Variants in COL17A1 observed in about 807,000 individuals in gnomAD.
COL17A1 encodes the protein collagen type XVII alpha 1 chain, also known as collagen alpha-1(XVII) chain.
COL17A1 carries 181 observed loss-of-function variants against 218.4 expected under a neutral mutation model. That is an observed-to-expected ratio of 0.83 (90% CI 0.73 to 0.94). The LOEUF is 0.94. Among genes scored for constraint, COL17A1 ranks in the 40% least tolerant of loss-of-function variants. The pLI is 0.00. For missense variants in COL17A1, 1,924 were observed against 1,945.9 expected (o/e 0.99, Z 0.21); for synonymous variants, 721 against 731.0 (o/e 0.99, Z 0.22).
At chr10:104,083,278 T>C (rs1371432563) in intron 1 of COL17A1, among the ~76,000 whole-genome samples, 1 of 152,188 alleles carries the variant, frequency 6.6e-6, no homozygotes, top group Non-Finnish European at 1.5e-5. Context: ...CCCAGGTACA[T>C]GCCTGAGCCT....
intron 11 of COL17A1, among the ~76,000 whole-genome samples, chr10:104,062,750 G>C (rs1213182328): frequency 6.6e-6 from 1 of 152,188 alleles, no homozygotes; most frequent in Non-Finnish European, 1.5e-5. Context: ...TAACTTGGCA[G>C]ACTCCTAGTA....
At chr10:104,036,077 A>AGT (rs371975121) in intron 48 of COL17A1, among the ~76,000 whole-genome samples, 5 of 44,750 alleles carry the variant, frequency 1.1e-4, no homozygotes, top group Admixed American at 2.3e-4. Flanking sequence ...TGTGTATGGG[A>AGT]GTGTGTATGG....
intron 50 of COL17A1, 34 bp downstream of exon 50, chr10:104,035,229 C>A: frequency 6.3e-7 from 1 of 1,578,582 alleles, no homozygotes; most frequent in East Asian, 2.3e-5. Context: ...GGCTGCATCC[C>A]CTGCCCTCCC....
At chr10:104,042,292 T>A in intron 36 of COL17A1, 128 bp downstream of exon 36, 3 of 970,606 alleles carry the variant, frequency 3.1e-6, no homozygotes. Flanking sequence ...TGAAGAGCCC[T>A]GGCCCTGTCC....
intron 8 of COL17A1, 143 bp from the exon 9 acceptor site, chr10:104,070,712 A>G (rs1461146982): frequency 5.1e-6 from 8 of 1,566,682 alleles, no homozygotes; most frequent in Non-Finnish European, 6.9e-6. Flanking sequence ...GCTTGGCTTT[A>G]TAATATTCAC....
chr10:104,077,910 C>A lies in COL17A1; in HGVS notation c.98-384G>T, dbSNP rs200802743. ...CTTTTTCTGAGTGCCTGGTCAGTGCCCAGGCATGGCAGCCACTAGAAGTGC... is the reference window on the plus strand; with the variant it reads ...CTTTTTCTGAGTGCCTGGTCAGTGCACAGGCATGGCAGCCACTAGAAGTGC... On this transcript the variant is annotated intron_variant, in intron 3 of 55. Coordinates refer to ENST00000648076, the MANE Select transcript of COL17A1 (RefSeq NM_000494.4). Among the ~76,000 whole-genome samples the A allele has an allele frequency of 1.2e-4, 19 of 152,300 alleles. No homozygotes were observed. The East Asian group carries it at 3.3e-3, about 26-fold the overall frequency.
rs558011610 is a variant in COL17A1 at position 104,071,704 on chromosome 10, C to T, written c.463+328G>A. On this transcript the variant is annotated intron_variant, in intron 8 of 55. Transcript: ENST00000648076. ...TAACACCTACCCCGGGAAGTCTTCT[C>T]TGGCCTGATCTCCATGGGCTGCCGT... Among the ~76,000 whole-genome samples the T allele has an allele frequency of 2.0e-5, 3 of 152,190 alleles. No homozygotes were observed. The South Asian group carries it at 6.2e-4, about 32-fold the overall frequency.
intron 1 of COL17A1, among the ~76,000 whole-genome samples, chr10:104,084,344 G>A (rs2086789229): frequency 1.4e-5 from 2 of 147,556 alleles, no homozygotes; most frequent in Non-Finnish European, 3.0e-5. Context: ...GAGTCTTGCT[G>A]TGTTGCCCAG....
At chr10:104,032,644 C>T (rs770012900) in intron 55 of COL17A1, 30 bp downstream of exon 55, 80 of 1,603,256 alleles carry the variant, frequency 5.0e-5, no homozygotes, top group Non-Finnish European at 6.7e-5. Context: ...CCCTCCAGAA[C>T]ATGCAAAACG....
intron 6 of COL17A1, 41 bp downstream of exon 6, chr10:104,074,143 C>G: frequency 6.2e-7 from 1 of 1,613,922 alleles, no homozygotes. Context: ...TTCCTAGTGC[C>G]TCGTTTGACC....
In COL17A1 at chr10:104,032,271, C is replaced by T. The variant is rs373388207; in HGVS notation, c.4458G>A (p.Gly1486=). The T allele has an allele frequency of 4.0e-5, 65 of 1,613,910 alleles. No individual in the cohort carries two copies. Among genetic ancestry groups the T allele is most frequent in the East Asian group, 6.7e-5 (3 of 44,900 alleles). ...KGDKGDQVYA[G]RRRRRSIAVK... ...CAGCAATACTTCTTCTCCTTCTCCG[C>T]CCAGCATAGACTTGGTCACCTGAAA... Residue 1486 remains glycine, a synonymous_variant, in exon 56 of 56, where the codon GGG becomes GGA. Coordinates refer to ENST00000648076, the MANE Select transcript of COL17A1 (RefSeq NM_000494.4).
chr10:104,061,464 A>T lies in COL17A1; in HGVS notation c.920T>A (p.Val307Glu). Residue 307 changes from valine to glutamate, a missense_variant, in exon 13 of 56, where the codon GTG becomes GAG. Transcript: ENST00000648076. ...AGGACTCTGGGGCATGTTTTTCTTC[A>T]CCCCATATGCTGCAAGAAAGGAAGC... ...GTTTTSTAYG[V>E]KKNMPQSPAA... The T allele has an allele frequency of 6.2e-7, 1 of 1,612,816 alleles. No homozygotes were observed. The highest frequency in any genetic ancestry group is 8.5e-7 in the Non-Finnish European group (1 of 1,179,610).
At position 104,051,441 on chromosome 10, in the gene COL17A1, C is replaced by T. The variant is rs185823747; in HGVS notation, c.2038+40G>A. The T allele has an allele frequency of 6.3e-5, 102 of 1,613,088 alleles. No individual in the cohort carries two copies. In the African/African-American group the frequency reaches 1.2e-3, roughly 19 times the overall value. On this transcript the variant is annotated intron_variant, in intron 25 of 55. Coordinates refer to ENST00000648076, the MANE Select transcript of COL17A1 (RefSeq NM_000494.4). ...TTCCTTTTAACATTGCCACCTTTGC[C>T]CTGGAAACAGAACCTATTTACAAGA...
At chr10:104,061,052 G>A (rs1434460223) in intron 13 of COL17A1, among the ~76,000 whole-genome samples, 1 of 152,206 alleles carries the variant, frequency 6.6e-6, no homozygotes, top group Non-Finnish European at 1.5e-5. Context: ...AGCAGGGAGG[G>A]TGCCAGCAGT....
At chr10:104,041,398 C>A (rs1053779826) in intron 37 of COL17A1, 54 bp from the exon 38 acceptor site, 4 of 1,602,910 alleles carry the variant, frequency 2.5e-6, no homozygotes, top group African/African-American at 2.7e-5. Flanking sequence ...CTGATGCCAC[C>A]CCTGAGGATC....
rs879398799 is a variant in COL17A1 at position 104,049,276 on chromosome 10, G to GGTAGA, written c.2227+132_2227+133insTCTAC. On this transcript the variant is annotated intron_variant, in intron 29 of 55. Transcript: ENST00000648076. ...AGGATGCCCAGACACAGAAATGACT[G>GGTAGA]GTCAAGGGAGACTCTACCAGGAGTG... 37 of 803,934 alleles carry GGTAGA rather than the reference G, an allele frequency of 4.6e-5. 1 individual carries two copies. In the Middle Eastern group the frequency reaches 6.9e-4, roughly 15 times the overall value. The allele number at this position is 803,934 out of a possible 1,614,324, so 49.8% of individuals were successfully genotyped here. A position where few individuals can be genotyped will look rare whatever the true frequency, so the allele number is the denominator to read the frequency against.
intron 48 of COL17A1, among the ~76,000 whole-genome samples, chr10:104,035,809 T>C (rs1019085332): frequency 2.6e-5 from 4 of 151,964 alleles, no homozygotes; most frequent in Non-Finnish European, 5.9e-5. Context: ...TATGTGTGTA[T>C]GGGAGTGAGT....
chr10:104,038,381 CGGCTTGCGGCGGCCA>C lies in COL17A1; in HGVS notation c.3070+10_3070+24del. The C allele has an allele frequency of 6.2e-7, 1 of 1,613,316 alleles. No homozygotes were observed. The highest frequency in any genetic ancestry group is 8.5e-7 in the Non-Finnish European group (1 of 1,179,934). The stretch of plus-strand genomic sequence containing the variant: ...CTGTATCTCCATGTTCTTGTCCCCA[CGGCTTGCGGCGGCCA>C]GCTACTCACTCTGCATGTACTCAGA... On this transcript the variant is annotated intron_variant, in intron 45 of 55. Coordinates refer to ENST00000648076, the MANE Select transcript of COL17A1 (RefSeq NM_000494.4).
In COL17A1 at chr10:104,045,791, G is replaced by C; in HGVS notation, c.2365C>G (p.Leu789Val). Residue 789 changes from leucine (L) to valine (V), a missense_variant and splice_region_variant, in exon 33 of 56, where the codon CTT (leucine) becomes GTT (valine). Physicochemically the swap from Leu to Val is conservative, Grantham distance 32. Transcript: ENST00000648076. ...GLTGPQGPQG[L>V]PGTPGRPGIK... ...CCTGGTCGGCCAGGGGTACCGGGAA[G>C]TCCTGATGTGATTAGAACAAGTAGT... is the stretch of plus-strand genomic sequence containing the variant. The C allele has an allele frequency of 6.2e-7, 1 of 1,612,330 alleles. No homozygotes were observed. Among genetic ancestry groups the C allele is most frequent in the Non-Finnish European group, 8.5e-7 (1 of 1,178,268 alleles).
Sources: allele counts gnomAD v4.1 joint callset (sites outside exome capture counted in the v4.1 genomes callset), GRCh38; gene constraint gnomAD v4.1.1; transcripts MANE v1.5; gene names NCBI Gene and HGNC (gene_info 2026-07-23, HGNC 2026-07-21).